TM4SF20: variants seen among roughly 807,000 people sequenced by gnomAD.
TM4SF20 encodes the protein transmembrane 4 L6 family member 20.
Under a neutral mutation model 15.1 loss-of-function variants are expected in TM4SF20, and 13 were observed. The ratio of observed to expected loss-of-function variants is 0.86; its 90% CI spans 0.56 to 1.36. The LOEUF is 1.36. Among genes scored for constraint, TM4SF20 ranks in the 40% most tolerant of loss-of-function variants. The probability of loss-of-function intolerance (pLI) is 0.00; values close to 1 mark genes in which losing one functional copy is unlikely to be tolerated. For synonymous variants in TM4SF20, 92 were observed against 96.6 expected, an observed-to-expected ratio of 0.95 and a Z score of 0.28; for missense variants, 282 against 268.4, an observed-to-expected ratio of 1.05 and a Z score of -0.35.
chr2:227,369,535 T>A (rs917506628), intron 2 of TM4SF20, among the ~76,000 whole-genome samples: 1 of 151,724 alleles, frequency 6.6e-6, no homozygotes, highest in Non-Finnish European at 1.5e-5. Context: ...TTCAAGAGAT[T>A]CTCCTGCATC....
intron 1 of TM4SF20, 108 bp downstream of exon 1, chr2:227,378,978 T>G (rs2076464647): frequency 2.7e-6 from 3 of 1,129,508 alleles, no homozygotes; most frequent in Non-Finnish European, 3.8e-6. Flanking sequence ...GCTCCAAATT[T>G]TATCATAAGC....
chr2:227,372,668 G>C (rs560106979), intron 1 of TM4SF20, among the ~76,000 whole-genome samples: 2 of 152,160 alleles, frequency 1.3e-5, no homozygotes, highest in Admixed American at 6.5e-5. Flanking sequence ...AACAAAAAAA[G>C]CTAGTCATTT....
rs138536526 is a variant in TM4SF20, at chr2:227,379,186, A to G, written c.83T>C (p.Ile28Thr). Residue 28 changes from isoleucine to threonine, a missense_variant, in exon 1 of 4, where the codon ATA becomes ACA. Physicochemically the swap from Ile to Thr is moderately conservative, Grantham distance 89. Transcript: ENST00000304568. ...CTCAACTAAGCTGACAATTAGAGGT[A>G]TCGCATTGAGAACTACTCCTAACAG... ...LLLLGVVLNA[I>T]PLIVSLVEED... 1.7e-3 allele frequency: 2,800 copies of G among 1,614,204 alleles called. 5 individuals carry two copies. The highest frequency in any genetic ancestry group is 2.1e-3 in the Middle Eastern group (13 of 6,062).
Position 227,374,281 on chromosome 2 carries a change from A to G in TM4SF20, c.184-3301T>C, listed in dbSNP as rs555808842. The stretch of plus-strand genomic sequence containing the variant: ...ATAAAGGGACAATTACTTACAGTGT[A>G]TAAGTCACCACCCCACCGACTTCAA... On this transcript the variant is annotated intron_variant, in intron 1 of 3. Coordinates refer to ENST00000304568, the MANE Select transcript of TM4SF20 (RefSeq NM_024795.4). Among the ~76,000 whole-genome samples the G allele has an allele frequency of 3.9e-5, 6 of 152,308 alleles. 1 individual carries two copies. In the South Asian group the frequency reaches 1.2e-3, roughly 32 times the overall value.
At chr2:227,366,431 A>G (rs916053356) in intron 2 of TM4SF20, among the ~76,000 whole-genome samples, 187 bp from the exon 3 acceptor site, 11 of 152,144 alleles carry the variant, frequency 7.2e-5, no homozygotes, top group Non-Finnish European at 8.8e-5. Flanking sequence ...ATTACACTCA[A>G]TAAAAGATGG....
chr2:227,369,845 A>G (rs1278707548), intron 2 of TM4SF20, among the ~76,000 whole-genome samples: 1 of 152,192 alleles, frequency 6.6e-6, no homozygotes, highest in African/African-American at 2.4e-5. Context: ...GTTGCTTAAT[A>G]GCCATGTTCA....
At position 227,362,621 on chromosome 2, in the gene TM4SF20, T is replaced by A. The variant is rs2076367552; in HGVS notation, c.*1103A>T. 6.6e-6 allele frequency: 1 copy of A among 152,206 alleles called. No individual in the cohort carries two copies. Among genetic ancestry groups the A allele is most frequent in the Non-Finnish European group, 1.5e-5 (1 of 68,032 alleles). The allele number at this position is 152,206 out of a possible 1,614,324, so 9.4% of individuals were successfully genotyped here. A position where few individuals can be genotyped will look rare whatever the true frequency, so the allele number is the denominator to read the frequency against. On this transcript the variant is annotated 3_prime_UTR_variant, in exon 4 of 4. Coordinates refer to ENST00000304568, the MANE Select transcript of TM4SF20 (RefSeq NM_024795.4). ...ATTGTGTTTCATGCACAAAGTTATTTAAAATATTGTGTGAAATTACCTTCA... is the reference window on the plus strand; with the variant it reads ...ATTGTGTTTCATGCACAAAGTTATTAAAAATATTGTGTGAAATTACCTTCA...
intron 1 of TM4SF20, among the ~76,000 whole-genome samples, chr2:227,378,107 C>A (rs2076460950): frequency 6.6e-6 from 1 of 152,146 alleles, no homozygotes; most frequent in African/African-American, 2.4e-5. Flanking sequence ...CACAGGCACA[C>A]ACACACATTC....
At position 227,362,818 on chromosome 2, in the gene TM4SF20, C is replaced by T. The variant is rs2076369065; in HGVS notation, c.*906G>A. ...GGATAAGGGGTACTCAGCCTTTATA[C>T]TATAAAACCATTATCAGACCTACCA... On this transcript the variant is annotated 3_prime_UTR_variant, in exon 4 of 4. Transcript: ENST00000304568. 6.6e-6 allele frequency: 1 copy of T among 152,178 alleles called. No homozygotes were observed. Among genetic ancestry groups the T allele is most frequent in the African/African-American group, 2.4e-5 (1 of 41,440 alleles). 9.4% of individuals were successfully genotyped at this position (152,178 alleles called of 1,614,324 possible).
intron 1 of TM4SF20, among the ~76,000 whole-genome samples, 197 bp downstream of exon 1, chr2:227,378,889 C>G (rs932736050): frequency 6.6e-6 from 1 of 152,212 alleles, no homozygotes; most frequent in Admixed American, 6.5e-5. Flanking sequence ...GCCCAGCTCT[C>G]TATCCTATAC....
At position 227,370,712 on chromosome 2, in the gene TM4SF20, C is replaced by T. The variant is rs537185596; in HGVS notation, c.249+203G>A. Reference sequence around the variant, plus strand: ...GGCAGAAGTTTCAGTGAACCGAGATCGCACCACTGCACTCCAGTCTCAGCA... The same window carrying T: ...GGCAGAAGTTTCAGTGAACCGAGATTGCACCACTGCACTCCAGTCTCAGCA... On this transcript the variant is annotated intron_variant, in intron 2 of 3. Coordinates refer to ENST00000304568, the MANE Select transcript of TM4SF20 (RefSeq NM_024795.4). Among the ~76,000 whole-genome samples the T allele has an allele frequency of 4.6e-5, 7 of 152,202 alleles. No homozygotes were observed. The South Asian group carries it at 6.2e-4, about 14-fold the overall frequency.
intron 3 of TM4SF20, among the ~76,000 whole-genome samples, chr2:227,364,382 T>TCCCCC (rs1575020868): frequency 2.2e-5 from 3 of 137,132 alleles, no homozygotes; most frequent in African/African-American, 9.8e-5. Flanking sequence ...GAGCCTCCCC[T>TCCCCC]ACCCCCCGCC....
Position 227,379,097 on chromosome 2 carries a change from C to A in TM4SF20, c.172G>T (p.Ala58Ser), listed in dbSNP as rs775266286. 3.7e-6 allele frequency: 6 copies of A among 1,614,088 alleles called. No individual in the cohort carries two copies. The South Asian group carries it at 4.4e-5, about 12-fold the overall frequency. Reference protein sequence around the residue: ...FEWWFPGIIGAGLMAIPATTM... With the variant: ...FEWWFPGIIGSGLMAIPATTM... ...TAAATATCACTCACCATCAGACCTGCTCCTATAATTCCTGGGAACCACCAC... is the reference window on the plus strand; with the variant it reads ...TAAATATCACTCACCATCAGACCTGATCCTATAATTCCTGGGAACCACCAC... The change falls in exon 1 of 4, where the codon GCA (alanine) becomes TCA (serine). Residue 58 changes from alanine (A) to serine (S), a missense_variant. Ala to Ser is a moderately conservative substitution (Grantham distance 99). Transcript: ENST00000304568.
intron 1 of TM4SF20, among the ~76,000 whole-genome samples, chr2:227,376,449 T>C (rs1288487669): frequency 2.0e-5 from 3 of 152,266 alleles, no homozygotes; most frequent in Admixed American, 2.0e-4. Context: ...TGAGCCCTTT[T>C]TACCACCCAC....
At chr2:227,376,004 TTTAAAG>T (rs1194851444) in intron 1 of TM4SF20, among the ~76,000 whole-genome samples, 2 of 152,234 alleles carry the variant, frequency 1.3e-5, no homozygotes, top group East Asian at 3.8e-4. Flanking sequence ...GATTTTTCCA[TTTAAAG>T]TTAAAGATAA....
Position 227,378,083 on chromosome 2 carries a change from T to TAC in TM4SF20, c.183+1001_183+1002dup, listed in dbSNP as rs34997009. Among the ~76,000 whole-genome samples the TAC allele has an allele frequency of 9.2e-3, 1,340 of 145,074 alleles. 19 individuals are homozygous for TAC. Among genetic ancestry groups the TAC allele is most frequent in the African/African-American group, 0.03 (1,179 of 39,746 alleles). On this transcript the variant is annotated intron_variant, in intron 1 of 3. Transcript: ENST00000304568. ...TTACTCTCTCTCTCTCTCTCTGTCT[T>TAC]ACACACACACACACACAGGCACACA...
intron 1 of TM4SF20, among the ~76,000 whole-genome samples, chr2:227,376,766 G>A (rs1457817430): frequency 2.0e-5 from 3 of 152,184 alleles, no homozygotes; most frequent in Admixed American, 2.0e-4. Context: ...AGGTGTTGAG[G>A]ACTACGGTAC....
intron 1 of TM4SF20, among the ~76,000 whole-genome samples, chr2:227,376,944 A>G (rs1046566515): frequency 2.0e-5 from 3 of 152,260 alleles, no homozygotes; most frequent in African/African-American, 7.2e-5. Context: ...AAGGTAATGT[A>G]TGAACCCAGT....
intron 1 of TM4SF20, among the ~76,000 whole-genome samples, chr2:227,376,797 A>T (rs965627108): frequency 6.6e-6 from 1 of 152,154 alleles, no homozygotes; most frequent in African/African-American, 2.4e-5. Context: ...GGAAAAACAG[A>T]GTTTTGACGT....
Sources: gnomAD v4.1 joint callset for allele counts (sites outside exome capture counted in the v4.1 genomes callset) on GRCh38, gnomAD v4.1.1 for gene constraint, MANE v1.5 for transcripts, NCBI Gene and HGNC (gene_info 2026-07-23, HGNC 2026-07-21) for gene names.